The following SYN3 variants were observed in gnomAD, a reference collection of about 807,000 sequenced individuals.
SYN3 encodes synapsin III.
Under a neutral mutation model 65.8 loss-of-function variants are expected in SYN3, and 35 were observed. The ratio of observed to expected loss-of-function variants is 0.53; its 90% confidence interval spans 0.41 to 0.70. The LOEUF (loss-of-function observed/expected upper bound fraction) is 0.70. Ranked by LOEUF, SYN3 falls within the 30% of genes least tolerant of loss-of-function variation. SYN3 has a pLI of 0.00. For synonymous variants in SYN3, 270 were observed against 292.9 expected (o/e 0.92, Z 0.80); for missense variants, 680 against 749.0 (o/e 0.91, Z 1.08).
At chr22:33,022,409 C>T (rs1427755833) in intron 1 of SYN3, among the ~76,000 whole-genome samples, 1 of 152,218 alleles carries the variant, frequency 6.6e-6, no homozygotes, top group African/African-American at 2.4e-5. Context: ...CAACATGCAC[C>T]TGCTGAGGAA....
intron 6 of SYN3, among the ~76,000 whole-genome samples, chr22:32,749,303 C>G (rs901883086): frequency 9.1e-5 from 11 of 121,172 alleles, no homozygotes; most frequent in Admixed American, 1.9e-4. Context: ...AAAGCCCCCC[C>G]CCCACCCCAA....
chr22:33,055,462 T>C (rs1214955503), intron 1 of SYN3, among the ~76,000 whole-genome samples: 4 of 152,198 alleles, frequency 2.6e-5, no homozygotes, highest in African/African-American at 9.7e-5. Flanking sequence ...TAAATATCAC[T>C]ACTTTGGGAG....
intron 1 of SYN3, among the ~76,000 whole-genome samples, chr22:33,017,236 G>T (rs1283236890): frequency 6.6e-6 from 1 of 152,016 alleles, no homozygotes; most frequent in Non-Finnish European, 1.5e-5. Context: ...GTTTATTTCT[G>T]GGATCTCTTT....
intron 6 of SYN3, among the ~76,000 whole-genome samples, chr22:32,858,772 G>T (rs977124850): frequency 6.6e-6 from 1 of 152,136 alleles, no homozygotes; most frequent in Non-Finnish European, 1.5e-5. Context: ...ACAGTTCACT[G>T]AATCTGGTTT....
At chr22:32,733,154 C>A (rs1440849820) in intron 6 of SYN3, among the ~76,000 whole-genome samples, 3 of 152,160 alleles carry the variant, frequency 2.0e-5, no homozygotes, top group Admixed American at 6.5e-5. Context: ...AAGGAAGAGG[C>A]TCCCAGATTT....
chr22:32,921,648 G>C (rs549530840), intron 4 of SYN3, among the ~76,000 whole-genome samples: 2 of 152,146 alleles, frequency 1.3e-5, no homozygotes, highest in Non-Finnish European at 2.9e-5. Flanking sequence ...TGAAATCAAT[G>C]ACAATGATTT....
chr22:32,737,645 T>A (rs2061351933), intron 6 of SYN3, among the ~76,000 whole-genome samples: 3 of 152,312 alleles, frequency 2.0e-5, no homozygotes, highest in South Asian at 4.1e-4. Context: ...CTATACATAG[T>A]CTCATTCTCA....
At chr22:32,739,280 C>G (rs944737059) in intron 6 of SYN3, among the ~76,000 whole-genome samples, 3 of 152,080 alleles carry the variant, frequency 2.0e-5, no homozygotes, top group African/African-American at 7.2e-5. Flanking sequence ...CTCATTCTCT[C>G]TCTTGTCTGC....
intron 6 of SYN3, among the ~76,000 whole-genome samples, chr22:32,599,940 G>A (rs773946848): frequency 2.0e-5 from 3 of 152,072 alleles, no homozygotes; most frequent in African/African-American, 7.2e-5. Context: ...GGGGTACGTC[G>A]CGGTCATGTG....
intron 1 of SYN3, among the ~76,000 whole-genome samples, chr22:33,033,757 TC>T (rs2053798379): frequency 6.6e-6 from 1 of 152,106 alleles, no homozygotes; most frequent in Non-Finnish European, 1.5e-5. Context: ...TACTCCAGCC[TC>T]TGCAACTCTG....
intron 12 of SYN3, among the ~76,000 whole-genome samples, chr22:32,526,815 G>C (rs575399005): frequency 2.9e-4 from 44 of 152,224 alleles, no homozygotes; most frequent in African/African-American, 9.4e-4. Flanking sequence ...TACCGCGCCC[G>C]GCCTCTGATA....
At chr22:32,650,243 C>T (rs2060046077) in intron 6 of SYN3, among the ~76,000 whole-genome samples, 4 of 105,206 alleles carry the variant, frequency 3.8e-5, no homozygotes, top group African/African-American at 2.0e-4. Flanking sequence ...CCCTCCCTCC[C>T]TCCCTCCCTC....
rs5998527 is a variant in SYN3 at position 32,518,246 on chromosome 22, C to T, written c.1407G>A (p.Leu469=). Residue 469 remains leucine, a synonymous_variant, in exon 13 of 14, where the codon CTG becomes CTA. Transcript: ENST00000358763. ...QRLSPQGQQP[L]SPQSGSPQQQ... is the part of the protein sequence containing the mutation. ...GCTGTGGAGATCCGGACTGGGGGCT[C>T]AGGGGCTGCTGGCCTTGTGGGGAGA... 0.021 allele frequency: 34,170 copies of T among 1,613,202 alleles called. 3,806 individuals carry two copies. The African/African-American group carries it at 0.3, about 14-fold the overall frequency.
At chr22:32,708,453 G>C (rs545675107) in intron 6 of SYN3, among the ~76,000 whole-genome samples, 1 of 152,150 alleles carries the variant, frequency 6.6e-6, no homozygotes, top group African/African-American at 2.4e-5. Flanking sequence ...CTTCTCTGCT[G>C]GTTTAAAAAA....
At chr22:32,978,527 G>A (rs1045935946) in intron 3 of SYN3, among the ~76,000 whole-genome samples, 1 of 152,004 alleles carries the variant, frequency 6.6e-6, no homozygotes, top group East Asian at 1.9e-4. Context: ...CCATTCACAC[G>A]CTCTTCACGC....
intron 6 of SYN3, among the ~76,000 whole-genome samples, chr22:32,706,479 T>C (rs904680152): frequency 6.6e-6 from 1 of 152,096 alleles, no homozygotes; most frequent in African/African-American, 2.4e-5. Context: ...ATTTGAACAA[T>C]TAAGAAAAAA....
chr22:32,716,640 C>T (rs1022479312), intron 6 of SYN3, among the ~76,000 whole-genome samples: 5 of 152,076 alleles, frequency 3.3e-5, no homozygotes, highest in Non-Finnish European at 7.4e-5. Context: ...AAGTCATCCT[C>T]CCATCTTAGC....
intron 6 of SYN3, among the ~76,000 whole-genome samples, chr22:32,714,340 G>A (rs944232142): frequency 1.3e-5 from 2 of 152,176 alleles, no homozygotes; most frequent in African/African-American, 4.8e-5. Flanking sequence ...TTCCCTATCT[G>A]TAAAATGGGA....
At chr22:33,054,957 C>T (rs750301794) in intron 1 of SYN3, among the ~76,000 whole-genome samples, 22 of 152,162 alleles carry the variant, frequency 1.4e-4, no homozygotes, top group Non-Finnish European at 2.8e-4. Context: ...CTAAATAGAG[C>T]TCAAACCCTT....
Sources: allele counts gnomAD v4.1 joint callset (sites outside exome capture counted in the v4.1 genomes callset), GRCh38; gene constraint gnomAD v4.1.1; transcripts MANE v1.5; gene names NCBI Gene and HGNC (gene_info 2026-07-23, HGNC 2026-07-21).